Variants in HHIPL1 observed in about 807,000 individuals in gnomAD.
HHIPL1 encodes the protein HHIP like 1.
HHIPL1 carries 43 observed loss-of-function variants against 61.8 expected under a neutral mutation model. The ratio of observed to expected loss-of-function variants is 0.70; its 90% CI spans 0.55 to 0.90. The LOEUF (loss-of-function observed/expected upper bound fraction) is 0.90. Among genes scored for constraint, HHIPL1 ranks in the 40% least tolerant of loss-of-function variants. The pLI, the probability that HHIPL1 is intolerant of heterozygous loss-of-function variation, is 0.00. For synonymous variants in HHIPL1, 482 were observed against 515.8 expected, an observed-to-expected ratio of 0.93 and a Z score of 0.89; for missense variants, 1,056 against 1,157.7, an observed-to-expected ratio of 0.91 and a Z score of 1.28.
In HHIPL1 at chr14:99,675,489, A is replaced by G. The variant is rs1264105874; in HGVS notation, c.2212A>G (p.Ile738Val). ...AEFGQGGSLPILLDDVRCAGW... is the reference protein window; with the variant it reads ...AEFGQGGSLPVLLDDVRCAGW... The stretch of plus-strand genomic sequence containing the variant: ...GTTCGGCCAGGGCGGCTCGCTGCCC[A>G]TTCTGCTGGACGATGTGCGCTGCGC... The change falls in exon 9 of 9, where the codon ATT (isoleucine) becomes GTT (valine). Residue 738 changes from isoleucine to valine, a missense_variant. Transcript: ENST00000330710. This position sits in a 1 kb window ranked among gnomAD's most constrained non-coding sequence, Gnocchi z 5.4. The G allele has an allele frequency of 3.2e-6, 5 of 1,542,706 alleles. No homozygotes were observed. The highest frequency in any genetic ancestry group is 1.4e-5 in the African/African-American group (1 of 73,096).
chr14:99,679,026 TTAA>T lies in HHIPL1; in HGVS notation c.*3402_*3404del, dbSNP rs1231507008. 1.3e-5 allele frequency: 2 copies of T among 152,276 alleles called. No individual in the cohort carries two copies. Among genetic ancestry groups the T allele is most frequent in the Admixed American group, 6.5e-5 (1 of 15,290 alleles). 9.4% of individuals were successfully genotyped at this position (152,276 alleles called of 1,614,324 possible). ...ACCATTCACTCATGTAATCCTCATA[TTAA>T]TGCACATTTACTCACGTGGAAGCCG... is the stretch of plus-strand genomic sequence containing the variant. On this transcript the variant is annotated 3_prime_UTR_variant, in exon 9 of 9. Coordinates refer to ENST00000330710, the MANE Select transcript of HHIPL1 (RefSeq NM_001127258.3).
At chr14:99,658,932 C>T (rs182487522) in intron 3 of HHIPL1, among the ~76,000 whole-genome samples, 6 of 152,158 alleles carry the variant, frequency 3.9e-5, no homozygotes, top group Non-Finnish European at 2.9e-5. Flanking sequence ...TACCACAGTC[C>T]GGGAGGACTG....
chr14:99,620,218 C>G, the HHIPL1 span, among the ~76,000 whole-genome samples: 2 of 152,232 alleles, frequency 1.3e-5, no homozygotes, highest in Admixed American at 6.5e-5. Context: ...AAAAGAGTCC[C>G]TCAGCTCCCC....
chr14:99,617,011 G>T, the HHIPL1 span, among the ~76,000 whole-genome samples: 1 of 152,168 alleles, frequency 6.6e-6, no homozygotes, highest in Admixed American at 6.5e-5. Flanking sequence ...CCAGGAAGGA[G>T]GATCCTTCCT....
In HHIPL1 at chr14:99,678,856, C is replaced by T. The variant is rs912311830; in HGVS notation, c.*3230C>T. 2 of 152,190 alleles carry T rather than the reference C, an allele frequency of 1.3e-5. No homozygotes were observed. The highest frequency in any genetic ancestry group is 2.9e-5 in the Non-Finnish European group (2 of 68,020). 9.4% of individuals were successfully genotyped at this position (152,190 alleles called of 1,614,324 possible). A position where few individuals can be genotyped will look rare whatever the true frequency, so the allele number is the denominator to read the frequency against. On this transcript the variant is annotated 3_prime_UTR_variant, in exon 9 of 9. Coordinates refer to ENST00000330710, the MANE Select transcript of HHIPL1 (RefSeq NM_001127258.3). ...GCAAGGAGGTTTGAAGGAAGTTCGT[C>T]TTTAAAAGAAACCATTATTTCTAAC...
the HHIPL1 span, among the ~76,000 whole-genome samples, chr14:99,609,612 G>A: frequency 1.3e-5 from 2 of 152,160 alleles, no homozygotes; most frequent in Non-Finnish European, 2.9e-5. Context: ...ATTTATAGGT[G>A]GGGAAACCGC....
chr14:99,608,156 G>T, the HHIPL1 span, among the ~76,000 whole-genome samples: 227 of 152,224 alleles, frequency 1.5e-3, 1 homozygote, highest in Middle Eastern at 3.4e-3. Flanking sequence ...ACACCTTGCA[G>T]CTGGGGTATA....
rs1260181848 is a variant in HHIPL1 at position 99,652,740 on chromosome 14, C to A, written c.772C>A (p.Pro258Thr). The A allele has an allele frequency of 6.2e-7, 1 of 1,614,052 alleles. No homozygotes were observed. The highest frequency in any genetic ancestry group is 1.1e-5 in the South Asian group (1 of 91,080). Reference protein sequence around the residue: ...ERGFLGIAFHPSFQHNRRLYV... With the variant: ...ERGFLGIAFHTSFQHNRRLYV... The stretch of plus-strand genomic sequence containing the variant: ...TGGCTTCCTGGGCATTGCCTTCCAC[C>A]CCAGCTTCCAGCACAACCGCAGGCT... The change falls in exon 2 of 9, where the codon CCC becomes ACC. Residue 258 changes from proline (P) to threonine (T), a missense_variant. Coordinates refer to ENST00000330710, the MANE Select transcript of HHIPL1 (RefSeq NM_001127258.3).
intron 1 of HHIPL1, among the ~76,000 whole-genome samples, chr14:99,651,910 C>T (rs561079484): frequency 1.8e-4 from 28 of 152,108 alleles, no homozygotes; most frequent in East Asian, 1.9e-4. Flanking sequence ...GGGGCGGAGG[C>T]GCACTGTTAA....
chr14:99,638,266 G>A, the HHIPL1 span, among the ~76,000 whole-genome samples: 1 of 152,340 alleles, frequency 6.6e-6, no homozygotes, highest in East Asian at 1.9e-4. Flanking sequence ...GCTAAGAGTG[G>A]CGGAGGAGGC....
At chr14:99,656,798 A>AGAG (rs2056038282) in intron 2 of HHIPL1, among the ~76,000 whole-genome samples, 1 of 2,088 alleles carries the variant, frequency 4.8e-4, no homozygotes, top group East Asian at 0.083. Flanking sequence ...AAAGAAAGAA[A>AGAG]GAAAGAAAGA....
chr14:99,663,641 T>C lies in HHIPL1; in HGVS notation c.1648+620T>C, dbSNP rs796881464. Among the ~76,000 whole-genome samples the C allele has an allele frequency of 1.6e-4, 24 of 152,316 alleles. 1 individual carries two copies. Among genetic ancestry groups the C allele is most frequent in the African/African-American group, 5.5e-4 (23 of 41,556 alleles). ...CAACCCAGTAGGTTTCAGCCTTATTTTACCCAGCTCTTATTTAAGATGGAG... is the reference window on the plus strand; with the variant it reads ...CAACCCAGTAGGTTTCAGCCTTATTCTACCCAGCTCTTATTTAAGATGGAG... On this transcript the variant is annotated intron_variant, in intron 6 of 8. Transcript: ENST00000330710.
rs1837639996 is a variant in HHIPL1 at position 99,657,142 on chromosome 14, A to G, written c.1045A>G (p.Lys349Glu). 1 of 1,612,626 alleles carries G rather than the reference A, an allele frequency of 6.2e-7. No individual in the cohort carries two copies. Among genetic ancestry groups the G allele is most frequent in the Non-Finnish European group, 8.5e-7 (1 of 1,179,486 alleles). ...TGGGACATTTGGAAATGCCCAAAAC[A>G]AGTATGTTCAGCTTTTGATTGGCTT... ...PFGTFGNAQN[K>E]SALLGKVLRI... Residue 349 changes from lysine to glutamate, a missense_variant and splice_region_variant, in exon 3 of 9, where the codon AAG becomes GAG. Physicochemically the swap from Lys to Glu is moderately conservative, Grantham distance 56. Coordinates refer to ENST00000330710, the MANE Select transcript of HHIPL1 (RefSeq NM_001127258.3).
At chr14:99,616,470 G>A in the HHIPL1 span, among the ~76,000 whole-genome samples, 1 of 152,226 alleles carries the variant, frequency 6.6e-6, no homozygotes, top group Non-Finnish European at 1.5e-5. Context: ...GGGTAGGGAC[G>A]TAAGTGGCCC....
At chr14:99,662,577 G>A (rs1463146274) in intron 5 of HHIPL1, among the ~76,000 whole-genome samples, 2 of 152,226 alleles carry the variant, frequency 1.3e-5, no homozygotes, top group African/African-American at 4.8e-5. Flanking sequence ...CAGTCACAGA[G>A]GGCCCGGTAC....
chr14:99,645,246 G>A lies in HHIPL1; in HGVS notation c.39G>A (p.Trp13Ter). 3 of 1,366,442 alleles carry A rather than the reference G, an allele frequency of 2.2e-6. No individual in the cohort carries two copies. Among genetic ancestry groups the A allele is most frequent in the South Asian group, 1.7e-5 (1 of 57,790 alleles). 84.6% of individuals were successfully genotyped at this position (1,366,442 alleles called of 1,614,324 possible). ...RARAGALLALWVLGAAAHPQC... is the reference protein window; with the variant it reads ...RARAGALLAL ...GGGCCGGGGCGCTGCTGGCGCTTTGGGTGCTCGGGGCCGCCGCGCATCCGC... is the reference window on the plus strand; with the variant it reads ...GGGCCGGGGCGCTGCTGGCGCTTTGAGTGCTCGGGGCCGCCGCGCATCCGC... The change falls in exon 1 of 9, where the codon TGG becomes TGA. Residue 13 changes from tryptophan to a stop codon, truncating the protein, a stop_gained. Transcript: ENST00000330710. LOFTEE classifies it high-confidence loss of function.
intron 3 of HHIPL1, among the ~76,000 whole-genome samples, chr14:99,658,958 A>G (rs925269421): frequency 1.3e-5 from 2 of 152,128 alleles, no homozygotes; most frequent in Non-Finnish European, 2.9e-5. Context: ...TCTGAGCGGG[A>G]CCACTCTACT....
At position 99,669,119 on chromosome 14, in the gene HHIPL1, A is replaced by G. The variant is rs1433462859; in HGVS notation, c.1730+816A>G. 4.3e-6 allele frequency: 6 copies of G among 1,409,920 alleles called. No homozygotes were observed. The South Asian group carries it at 7.9e-5, about 19-fold the overall frequency. 87.3% of individuals were successfully genotyped at this position (1,409,920 alleles called of 1,614,324 possible). On this transcript the variant is annotated intron_variant, in intron 7 of 8. Transcript: ENST00000330710. The stretch of plus-strand genomic sequence containing the variant: ...TCAGCTCTCATCACTCAGACTTGGT[A>G]ATCCCTGGGCTACACGACTGACTCT...
intron 8 of HHIPL1, among the ~76,000 whole-genome samples, chr14:99,674,405 A>C (rs2056362352): frequency 1.3e-5 from 2 of 151,904 alleles, no homozygotes; most frequent in African/African-American, 4.8e-5. Flanking sequence ...CCTAGCACCG[A>C]CTGCACCCAG....
Sources: gnomAD v4.1 joint callset for allele counts (sites outside exome capture counted in the v4.1 genomes callset) on GRCh38, gnomAD v4.1.1 for gene constraint, Gnocchi (gnomAD v3.1) non-coding constraint, MANE v1.5 for transcripts, NCBI Gene and HGNC (gene_info 2026-07-23, HGNC 2026-07-21) for gene names.